Variants in SPPL2B observed in about 807,000 individuals in gnomAD.
SPPL2B encodes the protein signal peptide peptidase-like 2B.
In SPPL2B, 39 loss-of-function variants were observed where a neutral mutation model predicts 59.7. That is an observed-to-expected ratio of 0.65 (90% confidence interval 0.51 to 0.85). The LOEUF is 0.85. Ranked by LOEUF, SPPL2B falls within the 40% of genes least tolerant of loss-of-function variation. The pLI, the probability that SPPL2B is intolerant of heterozygous loss-of-function variation, is 0.00. For missense variants in SPPL2B, 865 were observed against 849.0 expected (o/e 1.02, Z -0.23); for synonymous variants, 419 against 370.8 (o/e 1.13, Z -1.49).
intron 7 of SPPL2B, chr19:2,340,652 G>C (rs925034516): frequency 5.2e-6 from 3 of 572,106 alleles, no homozygotes; most frequent in Non-Finnish European, 9.4e-6. Context: ...CTCGGGCGAA[G>C]GGGCGCAGCG....
chr19:2,336,390 CTGTG>C (rs759527062), intron 2 of SPPL2B, among the ~76,000 whole-genome samples: 2 of 151,018 alleles, frequency 1.3e-5, no homozygotes, highest in Middle Eastern at 3.2e-3. Context: ...TGTAATAGGT[CTGTG>C]TGTATGTGTG....
intron 13 of SPPL2B, among the ~76,000 whole-genome samples, chr19:2,348,517 G>T (rs572581163): frequency 7.4e-6 from 1 of 135,654 alleles, no homozygotes; most frequent in Non-Finnish European, 1.6e-5. Context: ...GCTTGATTCC[G>T]TTCTCTCTCC....
intron 1 of SPPL2B, chr19:2,330,212 A>C (rs150414025): frequency 6.6e-6 from 1 of 151,558 alleles, no homozygotes; most frequent in East Asian, 1.9e-4. Flanking sequence ...GGTTCAAGCA[A>C]TTCTCCCACC....
rs760741746 is a variant in SPPL2B, at chr19:2,342,991, T to TGG, written c.957-218_957-217dup. On this transcript the variant is annotated intron_variant, in intron 8 of 14. Transcript: ENST00000613503. The stretch of plus-strand genomic sequence containing the variant: ...GGCTCCTCTACCTGCTTCCGCAGGG[T>TGG]GGGCCCTGGGGTGGGGCCTGTGCCG... 6.3e-4 allele frequency: 357 copies of TGG among 566,216 alleles called. No individual in the cohort carries two copies. In the Middle Eastern group the frequency reaches 9.2e-3, roughly 15 times the overall value. 35.1% of individuals were successfully genotyped at this position (566,216 alleles called of 1,614,324 possible). A position where few individuals can be genotyped will look rare whatever the true frequency, so the allele number is the denominator to read the frequency against.
Position 2,338,846 on chromosome 19 carries a change from G to A in SPPL2B, c.459+5G>A, listed in dbSNP as rs756793486. The A allele has an allele frequency of 6.2e-7, 1 of 1,612,788 alleles. No homozygotes were observed. The highest frequency in any genetic ancestry group is 1.3e-5 in the African/African-American group (1 of 75,014). On this transcript the variant is annotated splice_donor_5th_base_variant and intron_variant, in intron 4 of 14. Transcript: ENST00000613503. The stretch of plus-strand genomic sequence containing the variant: ...GACATGCTGGACATCTTCACGGTAG[G>A]TCTGCGCCGGCTCAGACCCACGCTC...
chr19:2,337,302 C>T (rs1474944507), intron 2 of SPPL2B, 141 bp from the exon 3 acceptor site: 12 of 749,810 alleles, frequency 1.6e-5, no homozygotes, highest in Non-Finnish European at 2.1e-5. Context: ...GATGGCTCTG[C>T]CTAGGTGGGC....
chr19:2,346,112 G>A (rs189317528), intron 13 of SPPL2B, among the ~76,000 whole-genome samples: 18 of 152,310 alleles, frequency 1.2e-4, no homozygotes, highest in Non-Finnish European at 1.9e-4. Context: ...GACCCACATT[G>A]TTTTGAAAAA....
chr19:2,331,945 C>T (rs551664415), intron 1 of SPPL2B, among the ~76,000 whole-genome samples: 3 of 152,368 alleles, frequency 2.0e-5, no homozygotes, highest in South Asian at 4.1e-4. Context: ...TGGCCTCTGC[C>T]GTGACCCATA....
Position 2,340,992 on chromosome 19 carries a change from G to A in SPPL2B, c.934G>A (p.Gly312Ser), listed in dbSNP as rs1968996836. The A allele has an allele frequency of 1.9e-6, 3 of 1,604,636 alleles. No individual in the cohort carries two copies. Among genetic ancestry groups the A allele is most frequent in the South Asian group, 2.2e-5 (2 of 91,076 alleles). Reference sequence around the variant, plus strand: ...CTGCGTGGCCGTCAGCGTGGTGTGGGGCGTCTTCCGCAACGAGGACCAGTA... The same window carrying A: ...CTGCGTGGCCGTCAGCGTGGTGTGGAGCGTCTTCCGCAACGAGGACCAGTA... ...LFCVAVSVVW[G>S]VFRNEDQWAW... The change falls in exon 8 of 15, where the codon GGC becomes AGC. Residue 312 changes from glycine to serine, a missense_variant. By Grantham distance (56) the Gly-to-Ser change is moderately conservative. Coordinates refer to ENST00000613503, the MANE Select transcript of SPPL2B (RefSeq NM_152988.3).
chr19:2,343,758 G>T (rs1245500354), intron 9 of SPPL2B, among the ~76,000 whole-genome samples: 4 of 152,168 alleles, frequency 2.6e-5, no homozygotes, highest in African/African-American at 9.7e-5. Context: ...GTTACGTGGA[G>T]ACTCTAAAAG....
chr19:2,341,598 C>T (rs1048797488), intron 8 of SPPL2B: 9 of 456,344 alleles, frequency 2.0e-5, no homozygotes, highest in African/African-American at 8.0e-5. Flanking sequence ...CGGTCCCCAC[C>T]GCTGTCGCTG....
intron 8 of SPPL2B, 23 bp downstream of exon 8, chr19:2,341,037 C>T (rs1425430160): frequency 6.3e-7 from 1 of 1,574,910 alleles, no homozygotes; most frequent in Admixed American, 1.7e-5. Context: ...TCCCCCGGGC[C>T]CCGGCGGGCA....
At chr19:2,345,232 T>C in intron 12 of SPPL2B, 21 bp from the exon 13 acceptor site, 1 of 1,610,890 alleles carries the variant, frequency 6.2e-7, no homozygotes, top group Non-Finnish European at 8.5e-7. Flanking sequence ...CGAGTAAGCC[T>C]CCGCCCTGTG....
chr19:2,331,552 T>G (rs1010580861), intron 1 of SPPL2B, among the ~76,000 whole-genome samples: 5 of 152,174 alleles, frequency 3.3e-5, no homozygotes, highest in African/African-American at 1.2e-4. Context: ...TTCTCTGGCC[T>G]TTGATAGAGG....
rs765670025 is a variant in SPPL2B, at chr19:2,339,989, G to T, written c.742+23G>T. 6 of 1,551,818 alleles carry T rather than the reference G, an allele frequency of 3.9e-6. No homozygotes were observed. In the African/African-American group the frequency reaches 6.8e-5, roughly 18 times the overall value. Reference sequence around the variant, plus strand: ...TCGGTGCGCGGCCCCGGGCGGGTGGGCCGCGGCGTGGAGATGCAGCCCGCC... The same window carrying T: ...TCGGTGCGCGGCCCCGGGCGGGTGGTCCGCGGCGTGGAGATGCAGCCCGCC... On this transcript the variant is annotated intron_variant, in intron 6 of 14. Coordinates refer to ENST00000613503, the MANE Select transcript of SPPL2B (RefSeq NM_152988.3).
intron 1 of SPPL2B, among the ~76,000 whole-genome samples, chr19:2,331,792 T>C (rs1968305526): frequency 6.6e-6 from 1 of 152,254 alleles, no homozygotes; most frequent in Non-Finnish European, 1.5e-5. Flanking sequence ...CTGGGCTCTG[T>C]GGCCCACGTG....
intron 2 of SPPL2B, among the ~76,000 whole-genome samples, chr19:2,335,428 C>CT (rs756452233): frequency 1.4e-5 from 2 of 143,742 alleles, no homozygotes; most frequent in South Asian, 4.7e-4. Context: ...GCCCCGCCTC[C>CT]TTTCCCACTG....
chr19:2,348,646 G>T (rs866027258), intron 13 of SPPL2B, among the ~76,000 whole-genome samples: 5 of 115,838 alleles, frequency 4.3e-5, no homozygotes, highest in African/African-American at 1.3e-4. Context: ...GCTGTCATTC[G>T]CTTGATTCCG....
At chr19:2,348,041 ACG>A (rs1969572659) in intron 13 of SPPL2B, among the ~76,000 whole-genome samples, 1 of 73,890 alleles carries the variant, frequency 1.4e-5, no homozygotes. Context: ...ACACAGACTC[ACG>A]CGCTCTCATT....
Sources: allele counts gnomAD v4.1 joint callset (sites outside exome capture counted in the v4.1 genomes callset), GRCh38; gene constraint gnomAD v4.1.1; transcripts MANE v1.5; gene names NCBI Gene and HGNC (gene_info 2026-07-23, HGNC 2026-07-21).